The following KIF21B variants were observed in gnomAD, a reference collection of about 807,000 sequenced individuals.
KIF21B encodes the protein kinesin-like protein KIF21B.
A neutral mutation model predicts 192.9 loss-of-function variants in KIF21B; 85 were observed. The observed-to-expected ratio is 0.44, with a 90% confidence interval of 0.37 to 0.53. The LOEUF (loss-of-function observed/expected upper bound fraction) is 0.53. Ranked by LOEUF, KIF21B falls within the 20% of genes least tolerant of loss-of-function variation. KIF21B has a pLI of 0.00. For missense variants in KIF21B, 1,716 were observed against 2,194.8 expected, an observed-to-expected ratio of 0.78 and a Z score of 4.36; for synonymous variants, 832 against 884.6, an observed-to-expected ratio of 0.94 and a Z score of 1.05.
intron 1 of KIF21B, among the ~76,000 whole-genome samples, chr1:201,021,803 G>A (rs148325716): frequency 2.1e-4 from 32 of 152,314 alleles, no homozygotes; most frequent in Non-Finnish European, 3.7e-4. Flanking sequence ...AATGGGTGGG[G>A]GCCAGAGCTT....
At chr1:200,997,136 A>G (rs1370745550) in intron 14 of KIF21B, among the ~76,000 whole-genome samples, 1 of 152,226 alleles carries the variant, frequency 6.6e-6, no homozygotes, top group Non-Finnish European at 1.5e-5. Context: ...TGCAGCAGCC[A>G]GAGTAGTCTT....
intron 3 of KIF21B, among the ~76,000 whole-genome samples, chr1:201,007,165 C>G (rs1239514601): frequency 1.3e-5 from 2 of 148,442 alleles, no homozygotes; most frequent in African/African-American, 5.0e-5. Flanking sequence ...GACACAGAGA[C>G]ACACAGACAC....
chr1:201,007,824 C>T (rs913922520), intron 3 of KIF21B, among the ~76,000 whole-genome samples: 2 of 151,850 alleles, frequency 1.3e-5, no homozygotes, highest in Non-Finnish European at 2.9e-5. Context: ...ACACAAGACA[C>T]AGAGCCACAC....
chr1:200,976,239 C>T (rs565328462), intron 32 of KIF21B, among the ~76,000 whole-genome samples: 4 of 152,170 alleles, frequency 2.6e-5, no homozygotes, highest in South Asian at 2.1e-4. Flanking sequence ...TACAGGCGCC[C>T]GACACCATGC....
At chr1:200,974,255 G>T (rs1374096539) in intron 34 of KIF21B, 2 of 1,490,856 alleles carry the variant, frequency 1.3e-6, no homozygotes, top group Non-Finnish European at 9.0e-7. Flanking sequence ...AAGGGGAGGG[G>T]AGAGAAGGGA....
chr1:200,974,870 A>T lies in KIF21B; in HGVS notation c.4658T>A (p.Phe1553Tyr). The T allele has an allele frequency of 6.2e-7, 1 of 1,614,110 alleles. No homozygotes were observed. The highest frequency in any genetic ancestry group is 8.5e-7 in the Non-Finnish European group (1 of 1,180,006). The change falls in exon 34 of 35, where the codon TTC (phenylalanine) becomes TAC (tyrosine). Residue 1553 changes from phenylalanine (F) to tyrosine (Y), a missense_variant. Transcript: ENST00000461742. ...AHKDWVCALA[F>Y]IPGRPMLLSA... ...GAGCAGCATGGGGCGGCCCGGGATG[A>T]AGGCCAGGGCGCACACCCAGTCCTT...
At chr1:201,012,802 C>G (rs912946317) in intron 1 of KIF21B, among the ~76,000 whole-genome samples, 2 of 152,122 alleles carry the variant, frequency 1.3e-5, no homozygotes, top group Non-Finnish European at 2.9e-5. Flanking sequence ...CACCATCATG[C>G]CCATCTAATT....
At position 201,008,943 on chromosome 1, in the gene KIF21B, G is replaced by A. The variant is rs199591058; in HGVS notation, c.273C>T (p.Ala91=). ...ATVLAYGQTG[A]GKTYTMGTGF... is the part of the protein sequence containing the mutation. Reference sequence around the variant, plus strand: ...CAGTGCCCATGGTGTACGTCTTCCCGGCCCCCGTCTGCATTGGCAAAGATA... The same window carrying A: ...CAGTGCCCATGGTGTACGTCTTCCCAGCCCCCGTCTGCATTGGCAAAGATA... The change falls in exon 3 of 35, where the codon GCC becomes GCT. Residue 91 remains alanine (A), a synonymous_variant. Transcript: ENST00000461742. 324 of 1,608,916 alleles carry A rather than the reference G, an allele frequency of 2.0e-4. 1 individual carries two copies. The highest frequency in any genetic ancestry group is 1.3e-3 in the Middle Eastern group (8 of 6,076).
chr1:200,986,926 A>T lies in KIF21B; in HGVS notation c.3615-8T>A. 6.2e-7 allele frequency: 1 copy of T among 1,613,492 alleles called. No homozygotes were observed. On this transcript the variant is annotated splice_polypyrimidine_tract_variant and splice_region_variant and intron_variant, in intron 25 of 34. Coordinates refer to ENST00000461742, the MANE Select transcript of KIF21B (RefSeq NM_001252102.2). ...GCTCGAGATTGCCTAGGGCTACAAC[A>T]GAAGAGTCCAGTGAGGCCCAGACCC...
At chr1:201,013,351 C>T (rs534363652) in intron 1 of KIF21B, among the ~76,000 whole-genome samples, 3 of 152,244 alleles carry the variant, frequency 2.0e-5, no homozygotes, top group African/African-American at 4.8e-5. Flanking sequence ...CCTCTTCTCC[C>T]GGCCCCACCC....
At chr1:201,001,831 G>T (rs983817510) in intron 9 of KIF21B, 8 of 344,954 alleles carry the variant, frequency 2.3e-5, no homozygotes, top group Non-Finnish European at 3.8e-5. Flanking sequence ...CAAATACTGA[G>T]AAAGGTGTGG....
rs1356126987 is a variant in KIF21B at position 200,998,871 on chromosome 1, G to C, written c.1886-296C>G. Among the ~76,000 whole-genome samples, 1 of 152,196 alleles carries C rather than the reference G, an allele frequency of 6.6e-6. No homozygotes were observed. The highest frequency in any genetic ancestry group is 2.4e-5 in the African/African-American group (1 of 41,452). On this transcript the variant is annotated intron_variant, in intron 13 of 34. Coordinates refer to ENST00000461742, the MANE Select transcript of KIF21B (RefSeq NM_001252102.2). This position sits in a 1 kb window ranked among gnomAD's most constrained non-coding sequence, Gnocchi z 4.3. ...ACCTGTTCCAGATGACATGGGACCA[G>C]CTTCAGTGGAGGAGGGTGAGATGGC...
chr1:201,023,302 A>T lies in KIF21B; in HGVS notation c.41+41T>A. ...CAAAGCCCACGCGAGACAAAGCCCGAGGCTTCTCCGCGCGCCCCCTTCCCC... is the reference window on the plus strand; with the variant it reads ...CAAAGCCCACGCGAGACAAAGCCCGTGGCTTCTCCGCGCGCCCCCTTCCCC... On this transcript the variant is annotated intron_variant, in intron 1 of 34. Coordinates refer to ENST00000461742, the MANE Select transcript of KIF21B (RefSeq NM_001252102.2). The surrounding 1 kb of genome is among the most constrained non-coding windows in gnomAD (Gnocchi z 5.9). The T allele has an allele frequency of 6.7e-7, 1 of 1,500,038 alleles. No individual in the cohort carries two copies. Among genetic ancestry groups the T allele is most frequent in the Non-Finnish European group, 8.9e-7 (1 of 1,118,632 alleles). 92.9% of individuals were successfully genotyped at this position (1,500,038 alleles called of 1,614,324 possible).
At chr1:201,013,374 C>A (rs1224314640) in intron 1 of KIF21B, among the ~76,000 whole-genome samples, 3 of 152,168 alleles carry the variant, frequency 2.0e-5, no homozygotes, top group Non-Finnish European at 4.4e-5. Context: ...GGTGAGGTCA[C>A]TTCTGTGGGC....
At position 201,000,804 on chromosome 1, in the gene KIF21B, G is replaced by C. The variant is rs749502306; in HGVS notation, c.1403-24C>G. 6.2e-7 allele frequency: 1 copy of C among 1,613,836 alleles called. No homozygotes were observed. Among genetic ancestry groups the C allele is most frequent in the East Asian group, 2.2e-5 (1 of 44,884 alleles). On this transcript the variant is annotated intron_variant, in intron 9 of 34. Coordinates refer to ENST00000461742, the MANE Select transcript of KIF21B (RefSeq NM_001252102.2). This position sits in a 1 kb window ranked among gnomAD's most constrained non-coding sequence, Gnocchi z 6.0. ...GCCTGGAGTGGGACGGCGGGAAGAA[G>C]GGTGCGATAAAGAAGATAAATAGGC...
At chr1:200,992,457 G>A in intron 15 of KIF21B, 68 bp from the exon 16 acceptor site, 1 of 1,516,552 alleles carries the variant, frequency 6.6e-7, no homozygotes, top group Non-Finnish European at 9.1e-7. Context: ...TCTCCAGGGA[G>A]GGGCCAGCTC....
At position 200,999,494 on chromosome 1, in the gene KIF21B, C is replaced by G. The variant is rs1238461932; in HGVS notation, c.1768-28G>C. 1 of 1,608,356 alleles carries G rather than the reference C, an allele frequency of 6.2e-7. No homozygotes were observed. The highest frequency in any genetic ancestry group is 1.7e-5 in the Admixed American group (1 of 59,702). ...GGGCACCAGGCACCATTGGGGTGGGCCTGGCCTCAGAGAGGGGAGCCCAGA... is the reference window on the plus strand; with the variant it reads ...GGGCACCAGGCACCATTGGGGTGGGGCTGGCCTCAGAGAGGGGAGCCCAGA... On this transcript the variant is annotated intron_variant, in intron 12 of 34. Transcript: ENST00000461742. This position sits in a 1 kb window ranked among gnomAD's most constrained non-coding sequence, Gnocchi z 4.7.
At position 201,005,681 on chromosome 1, in the gene KIF21B, T is replaced by C. The variant is rs1299490919; in HGVS notation, c.461A>G (p.Glu154Gly). The change falls in exon 4 of 35, where the codon GAG (glutamate) becomes GGG (glycine). Residue 154 changes from glutamate (E) to glycine (G), a missense_variant. Coordinates refer to ENST00000461742, the MANE Select transcript of KIF21B (RefSeq NM_001252102.2). ...GGTGCTGTCAAACAGGTCAAGGATC[T>C]CCTCGTTGTAGAGCTGTGCAGGAAG... Reference protein sequence around the residue: ...SAQFLELYNEEILDLFDSTRD... With the variant: ...SAQFLELYNEGILDLFDSTRD... The C allele has an allele frequency of 6.2e-7, 1 of 1,614,046 alleles. No homozygotes were observed. The highest frequency in any genetic ancestry group is 2.2e-5 in the East Asian group (1 of 44,884).
At chr1:201,012,228 G>T (rs879404515) in intron 1 of KIF21B, among the ~76,000 whole-genome samples, 6 of 152,190 alleles carry the variant, frequency 3.9e-5, no homozygotes, top group Non-Finnish European at 7.3e-5. Context: ...TTGCCAGGGT[G>T]CAGGTGAGCA....
Sources: gnomAD v4.1 joint callset for allele counts (sites outside exome capture counted in the v4.1 genomes callset) on GRCh38, gnomAD v4.1.1 for gene constraint, Gnocchi (gnomAD v3.1) non-coding constraint, MANE v1.5 for transcripts, NCBI Gene and HGNC (gene_info 2026-07-23, HGNC 2026-07-21) for gene names.